Variants in TASP1 observed in about 807,000 individuals in gnomAD.
The protein encoded by TASP1 is threonine aspartase 1.
In TASP1, 16 loss-of-function variants were observed where a neutral mutation model predicts 56.6. The observed-to-expected ratio is 0.28, with a 90% CI of 0.19 to 0.43. The LOEUF (loss-of-function observed/expected upper bound fraction) is 0.43, where lower values mean the gene tolerates loss of function less well. TASP1 is among the 20% of genes least tolerant of loss of function. TASP1 has a pLI of 1.00. For missense variants in TASP1, 393 were observed against 511.6 expected, an observed-to-expected ratio of 0.77 and a Z score of 2.24; for synonymous variants, 179 against 184.2, an observed-to-expected ratio of 0.97 and a Z score of 0.23.
intron 12 of TASP1, among the ~76,000 whole-genome samples, chr20:13,420,869 A>G (rs2042409737): frequency 6.6e-6 from 1 of 152,124 alleles, no homozygotes; most frequent in African/African-American, 2.4e-5. Context: ...TCATTGTTAT[A>G]TTACTCTGAA....
chr20:13,299,509 C>T, the TASP1 span: 1 of 1,506,872 alleles, frequency 6.6e-7, no homozygotes, highest in Non-Finnish European at 9.0e-7. The surrounding 1 kb of genome is among the most constrained non-coding windows in gnomAD (Gnocchi z 5.8). Context: ...GGAGCACACA[C>T]GTGCTGCACT....
At chr20:13,338,119 G>A in the TASP1 span, among the ~76,000 whole-genome samples, 1 of 152,132 alleles carries the variant, frequency 6.6e-6, no homozygotes, top group Non-Finnish European at 1.5e-5. Context: ...GTTGCTGGTT[G>A]GCTATTTTTA....
chr20:13,512,914 A>G (rs1368641207), intron 10 of TASP1, among the ~76,000 whole-genome samples: 1 of 152,036 alleles, frequency 6.6e-6, no homozygotes, highest in Non-Finnish European at 1.5e-5. Flanking sequence ...ATGGTTGTAG[A>G]TGTGTGATAT....
chr20:13,510,907 C>G (rs1240683034), intron 10 of TASP1, among the ~76,000 whole-genome samples: 1 of 152,084 alleles, frequency 6.6e-6, no homozygotes, highest in Non-Finnish European at 1.5e-5. Flanking sequence ...TGGCAAGTGT[C>G]AAGTTTAGTA....
chr20:13,569,240 T>C (rs986167848), intron 7 of TASP1, among the ~76,000 whole-genome samples: 6 of 152,070 alleles, frequency 3.9e-5, no homozygotes, highest in African/African-American at 1.4e-4. Context: ...GTATTAATGC[T>C]TTATTAGTAG....
At chr20:13,141,149 AT>A in the TASP1 span, among the ~76,000 whole-genome samples, 1 of 152,186 alleles carries the variant, frequency 6.6e-6, no homozygotes, top group Non-Finnish European at 1.5e-5. Context: ...TAAGAGAGGA[AT>A]TTTCTCTTTC....
intron 8 of TASP1, among the ~76,000 whole-genome samples, chr20:13,553,374 T>C (rs1009534566): frequency 3.3e-5 from 5 of 152,184 alleles, no homozygotes; most frequent in Non-Finnish European, 5.9e-5. Flanking sequence ...ATGCAAAGTA[T>C]GGACTGTCTG....
At chr20:13,523,733 G>C (rs1200810969) in intron 10 of TASP1, among the ~76,000 whole-genome samples, 1 of 152,120 alleles carries the variant, frequency 6.6e-6, no homozygotes, top group Admixed American at 6.6e-5. Context: ...CCAGAGCCAA[G>C]ACCTTAAAAA....
the TASP1 span, among the ~76,000 whole-genome samples, chr20:13,215,811 G>A: frequency 6.6e-6 from 1 of 152,208 alleles, no homozygotes; most frequent in South Asian, 2.1e-4. Context: ...GTGTGTGTTG[G>A]AGCATAGGGA....
intron 7 of TASP1, among the ~76,000 whole-genome samples, chr20:13,564,091 C>CA (rs2046435874): frequency 6.6e-6 from 1 of 151,898 alleles, no homozygotes; most frequent in African/African-American, 2.4e-5. Context: ...CTAGCCAAGG[C>CA]AATTAGGCAA....
At chr20:13,456,013 A>C (rs1211512410) in intron 11 of TASP1, among the ~76,000 whole-genome samples, 1 of 152,164 alleles carries the variant, frequency 6.6e-6, no homozygotes, top group Non-Finnish European at 1.5e-5. Flanking sequence ...GGAATTTTAA[A>C]CAAGCGGGAT....
chr20:13,322,031 T>A, the TASP1 span, among the ~76,000 whole-genome samples: 18,141 of 152,306 alleles, frequency 0.12, 1,539 homozygotes, highest in Non-Finnish European at 0.18. Context: ...TTATGGAAAT[T>A]GTGCATGTGT....
At chr20:13,117,363 T>C in the TASP1 span, 1 of 713,496 alleles carries the variant, frequency 1.4e-6, no homozygotes, top group Non-Finnish European at 2.2e-6. Flanking sequence ...TTGAAAGGGT[T>C]GTCTCAGCCA....
At chr20:13,598,778 C>G (rs1214666936) in intron 4 of TASP1, among the ~76,000 whole-genome samples, 2 of 152,280 alleles carry the variant, frequency 1.3e-5, no homozygotes, top group East Asian at 1.9e-4. Context: ...TTTTTGCAAT[C>G]TACTCATCTG....
intron 12 of TASP1, among the ~76,000 whole-genome samples, chr20:13,419,628 A>C (rs1568775334): frequency 1.3e-5 from 2 of 152,114 alleles, no homozygotes; most frequent in Non-Finnish European, 2.9e-5. Context: ...CAGGCCATCC[A>C]TCTGTTTATA....
intron 13 of TASP1, among the ~76,000 whole-genome samples, chr20:13,398,373 T>A (rs181393617): frequency 0.036 from 5,068 of 142,604 alleles, 129 homozygotes; most frequent in East Asian, 0.077. Flanking sequence ...GCTCTCTCTT[T>A]AAAAAAAAAA....
At chr20:13,424,159 T>C (rs1024581452) in intron 12 of TASP1, among the ~76,000 whole-genome samples, 1 of 152,240 alleles carries the variant, frequency 6.6e-6, no homozygotes, top group Non-Finnish European at 1.5e-5. Context: ...AAAATCATTA[T>C]AAGTTTTTTT....
chr20:13,129,296 C>T, the TASP1 span, among the ~76,000 whole-genome samples: 1 of 152,186 alleles, frequency 6.6e-6, no homozygotes, highest in African/African-American at 2.4e-5. Context: ...GCCACTGTGC[C>T]TGTCTTAAAC....
At chr20:13,337,323 G>T in the TASP1 span, among the ~76,000 whole-genome samples, 1 of 152,156 alleles carries the variant, frequency 6.6e-6, no homozygotes, top group Non-Finnish European at 1.5e-5. Context: ...AGACGCCGAG[G>T]TCATTGCCAG....
Sources: allele counts gnomAD v4.1 joint callset (sites outside exome capture counted in the v4.1 genomes callset), GRCh38; gene constraint gnomAD v4.1.1; non-coding constraint Gnocchi (gnomAD v3.1); transcripts MANE v1.5; gene names NCBI Gene and HGNC (gene_info 2026-07-23, HGNC 2026-07-21).